The following MFN1 variants were observed in gnomAD, a reference collection of about 807,000 sequenced individuals.
MFN1 encodes mitofusin-1.
In MFN1, 65 loss-of-function variants were observed where a neutral mutation model predicts 92.4. The observed-to-expected ratio is 0.70, with a 90% confidence interval of 0.58 to 0.86. MFN1 has a LOEUF of 0.86. Ranked by LOEUF, MFN1 falls within the 40% of genes least tolerant of loss-of-function variation. The probability of loss-of-function intolerance (pLI) is 0.00; values close to 1 mark genes in which losing one functional copy is unlikely to be tolerated. For missense variants in MFN1, 781 were observed against 868.0 expected (o/e 0.90, Z 1.26); for synonymous variants, 297 against 300.9 (o/e 0.99, Z 0.13).
chr3:179,380,019 A>G (rs1713406745), intron 14 of MFN1, among the ~76,000 whole-genome samples: 1 of 152,244 alleles, frequency 6.6e-6, no homozygotes, highest in Non-Finnish European at 1.5e-5. Flanking sequence ...ACTTAAGGAC[A>G]TGCTGATCAT....
chr3:179,378,811 T>C lies in MFN1; in HGVS notation c.1659T>C (p.Phe553=). 6.2e-7 allele frequency: 1 copy of C among 1,604,724 alleles called. No individual in the cohort carries two copies. Among genetic ancestry groups the C allele is most frequent in the Admixed American group, 1.7e-5 (1 of 59,886 alleles). The change falls in exon 14 of 18, where the codon TTT becomes TTC. Residue 553 remains phenylalanine, a synonymous_variant. Transcript: ENST00000471841. ...TCCTAGGATTATCAGAGCCTATCTT[T>C]CAGGTATGTATCTTTGAATCTACCA... ...RVLLGLSEPI[F]QLPRSLASTP...
At chr3:179,366,074 T>A (rs1446734721) in intron 7 of MFN1, among the ~76,000 whole-genome samples, 2 of 152,198 alleles carry the variant, frequency 1.3e-5, no homozygotes, top group Non-Finnish European at 2.9e-5. Context: ...TTTGGCAGCA[T>A]CTGAAGATAC....
intron 5 of MFN1, among the ~76,000 whole-genome samples, chr3:179,363,086 G>A (rs79459567): frequency 0.026 from 3,986 of 152,146 alleles, 191 homozygotes; most frequent in African/African-American, 0.091. Flanking sequence ...AATGGGTAAC[G>A]GTAGTGAAAA....
intron 4 of MFN1, among the ~76,000 whole-genome samples, chr3:179,362,132 C>T (rs1712604378): frequency 6.6e-6 from 1 of 152,144 alleles, no homozygotes. Flanking sequence ...AAATCAGTAT[C>T]AGGAGTTGCT....
Position 179,375,301 on chromosome 3 carries a change from A to C in MFN1, c.1057A>C (p.Asn353His), listed in dbSNP as rs1713197163. Residue 353 changes from asparagine (N) to histidine (H), a missense_variant, in exon 10 of 18, where the codon AAC (asparagine) becomes CAC (histidine). By Grantham distance (68) the Asn-to-His change is moderately conservative. Coordinates refer to ENST00000471841, the MANE Select transcript of MFN1 (RefSeq NM_033540.3). Reference protein sequence around the residue: ...RAKQILATVKNIMDSVNLAAE... With the variant: ...RAKQILATVKHIMDSVNLAAE... ...TAAACAGATACTAGCTACTGTGAAA[A>C]ACATAATGGATTCAGTAAACCTGGC... 6.2e-7 allele frequency: 1 copy of C among 1,613,782 alleles called. No individual in the cohort carries two copies. Among genetic ancestry groups the C allele is most frequent in the African/African-American group, 1.3e-5 (1 of 74,932 alleles).
intron 14 of MFN1, among the ~76,000 whole-genome samples, chr3:179,379,345 A>AT (rs1713378789): frequency 6.6e-6 from 1 of 151,868 alleles, no homozygotes; most frequent in African/African-American, 2.4e-5. Context: ...GTTTAAAAAA[A>AT]ATTTTTTTTT....
At position 179,375,203 on chromosome 3, in the gene MFN1, G is replaced by A; in HGVS notation, c.976-17G>A. On this transcript the variant is annotated splice_polypyrimidine_tract_variant and intron_variant, in intron 9 of 17. Transcript: ENST00000471841. ...GATGGAATTACAGTAATGTGTTACG[G>A]CTTGGGCCCCTCGCAGGAGTGTATC... is the stretch of plus-strand genomic sequence containing the variant. The A allele has an allele frequency of 6.2e-7, 1 of 1,605,542 alleles. No individual in the cohort carries two copies. The highest frequency in any genetic ancestry group is 1.8e-4 in the Middle Eastern group (1 of 5,556).
At chr3:179,390,176 C>T in intron 17 of MFN1, 38 bp downstream of exon 17, 1 of 1,453,144 alleles carries the variant, frequency 6.9e-7, no homozygotes, top group South Asian at 1.4e-5. Flanking sequence ...TGAACATTTA[C>T]TGGTCTCATT....
Position 179,390,055 on chromosome 3 carries a change from A to G in MFN1, c.2064A>G (p.Gln688=). 4 of 1,605,686 alleles carry G rather than the reference A, an allele frequency of 2.5e-6. No individual in the cohort carries two copies. The highest frequency in any genetic ancestry group is 3.4e-6 in the Non-Finnish European group (4 of 1,177,852). The change falls in exon 17 of 18, where the codon CAA becomes CAG. Residue 688 remains glutamine (Q), a synonymous_variant. Transcript: ENST00000471841. ...ARLCQQVDIT[Q]KQLEEEIARL... ...TGTGCCAACAAGTTGATATTACTCAAAAACAGCTGGAAGAAGAAATTGCTA... is the reference window on the plus strand; with the variant it reads ...TGTGCCAACAAGTTGATATTACTCAGAAACAGCTGGAAGAAGAAATTGCTA...
chr3:179,359,650 G>C (rs1218411856), intron 4 of MFN1: 1 of 135,116 alleles, frequency 7.4e-6, no homozygotes, highest in Non-Finnish European at 1.5e-5. Context: ...ATGTTGGCCA[G>C]GCTGGTCTTG....
At chr3:179,369,124 G>C (rs1712919507) in intron 9 of MFN1, among the ~76,000 whole-genome samples, 1 of 152,148 alleles carries the variant, frequency 6.6e-6, no homozygotes, top group South Asian at 2.1e-4. Context: ...CCAAGCTATA[G>C]GATACGTGAA....
chr3:179,390,075 T>C lies in MFN1; in HGVS notation c.2084T>C (p.Ile695Thr), dbSNP rs1314091891. The C allele has an allele frequency of 1.2e-6, 2 of 1,606,932 alleles. No individual in the cohort carries two copies. Among genetic ancestry groups the C allele is most frequent in the East Asian group, 2.2e-5 (1 of 44,684 alleles). ...ACTCAAAAACAGCTGGAAGAAGAAA[T>C]TGCTAGATTACCCAAAGAAATAGAT... ...DITQKQLEEE[I>T]ARLPKEIDQL... is the part of the protein sequence containing the mutation. Residue 695 changes from isoleucine to threonine, a missense_variant, in exon 17 of 18, where the codon ATT becomes ACT. Transcript: ENST00000471841.
At chr3:179,377,284 T>C (rs1713276960) in intron 11 of MFN1, 60 bp from the exon 12 acceptor site, 2 of 1,525,806 alleles carry the variant, frequency 1.3e-6, no homozygotes, top group Admixed American at 4.1e-5. Context: ...CAATTTAATT[T>C]TTTTGAATAA....
In MFN1 at chr3:179,392,375, T is replaced by C. The variant is rs547015615; in HGVS notation, c.*316T>C. ...TGTTTTTGATTCTGAAAAACTCTGCTTCCTGGCATCCAGGAGTTAGAGATT... is the reference window on the plus strand; with the variant it reads ...TGTTTTTGATTCTGAAAAACTCTGCCTCCTGGCATCCAGGAGTTAGAGATT... On this transcript the variant is annotated 3_prime_UTR_variant, in exon 18 of 18. Transcript: ENST00000471841. 33 of 193,328 alleles carry C rather than the reference T, an allele frequency of 1.7e-4. 2 individuals are homozygous for C. In the South Asian group the frequency reaches 5.8e-3, roughly 34 times the overall value. The allele number at this position is 193,328 out of a possible 1,614,324, so 12.0% of individuals were successfully genotyped here.
chr3:179,375,739 T>C (rs745835872), intron 10 of MFN1, among the ~76,000 whole-genome samples: 33 of 152,190 alleles, frequency 2.2e-4, no homozygotes, highest in Admixed American at 5.9e-4. Flanking sequence ...TATTTTGAAA[T>C]CACTATTTTA....
rs767599419 is a variant in MFN1, at chr3:179,386,599, C to T, written c.1982C>T (p.Thr661Met). The T allele has an allele frequency of 1.6e-5, 26 of 1,612,912 alleles. No homozygotes were observed. Among genetic ancestry groups the T allele is most frequent in the Admixed American group, 1.0e-4 (6 of 59,566 alleles). Residue 661 changes from threonine (T) to methionine (M), a missense_variant, in exon 16 of 18, where the codon ACG (threonine) becomes ATG (methionine). Coordinates refer to ENST00000471841, the MANE Select transcript of MFN1 (RefSeq NM_033540.3). Reference protein sequence around the residue: ...TEKLRMIVSSTSANCSHQVKQ... With the variant: ...TEKLRMIVSSMSANCSHQVKQ... ...AAACTGAGGATGATTGTTAGCTCCA[C>T]GAGTGCAAACTGCAGTCACCAAGTA...
chr3:179,362,429 T>A lies in MFN1; in HGVS notation c.483T>A (p.Phe161Leu), dbSNP rs1712618806. ...DLKAGCLVRV[F>L]WPKAKCALLR... ...AAGCTGGCTGTCTTGTACGTGTGTTTTGGCCAAAAGCAAAATGTGCCCTCT... is the reference window on the plus strand; with the variant it reads ...AAGCTGGCTGTCTTGTACGTGTGTTATGGCCAAAAGCAAAATGTGCCCTCT... The change falls in exon 5 of 18, where the codon TTT becomes TTA. Residue 161 changes from phenylalanine to leucine, a missense_variant. Transcript: ENST00000471841. The A allele has an allele frequency of 6.2e-7, 1 of 1,613,910 alleles. No individual in the cohort carries two copies. Among genetic ancestry groups the A allele is most frequent in the East Asian group, 2.2e-5 (1 of 44,876 alleles).
chr3:179,372,597 A>G (rs973002161), intron 9 of MFN1, among the ~76,000 whole-genome samples: 2 of 152,168 alleles, frequency 1.3e-5, no homozygotes, highest in Non-Finnish European at 2.9e-5. Context: ...GGGAACACCA[A>G]TGTGGGATTA....
intron 16 of MFN1, 127 bp downstream of exon 16, chr3:179,386,756 A>C (rs535104820): frequency 1.2e-6 from 1 of 845,962 alleles, no homozygotes; most frequent in Non-Finnish European, 1.8e-6. Flanking sequence ...CGTGATGGCC[A>C]TAAATGAGAA....
Sources: gnomAD v4.1 joint callset for allele counts (sites outside exome capture counted in the v4.1 genomes callset) on GRCh38, gnomAD v4.1.1 for gene constraint, MANE v1.5 for transcripts, NCBI Gene and HGNC (gene_info 2026-07-23, HGNC 2026-07-21) for gene names.